TXNDC16: variants seen among roughly 807,000 people sequenced by gnomAD.
TXNDC16 encodes the protein thioredoxin domain containing 16.
Under a neutral mutation model 85.6 loss-of-function variants are expected in TXNDC16, and 74 were observed. That is an observed-to-expected ratio of 0.86 (90% CI 0.72 to 1.05). The LOEUF (loss-of-function observed/expected upper bound fraction) is 1.05. TXNDC16 is among the 50% of genes least tolerant of loss of function. The pLI is 0.00. For synonymous variants in TXNDC16, 335 were observed against 326.5 expected, an observed-to-expected ratio of 1.03 and a Z score of -0.28; for missense variants, 959 against 947.0, an observed-to-expected ratio of 1.01 and a Z score of -0.17.
In TXNDC16 at chr14:52,531,332, G is replaced by T. The variant is rs1403173461; in HGVS notation, c.392+5387C>A. Among the ~76,000 whole-genome samples the T allele has an allele frequency of 2.0e-5, 3 of 152,114 alleles. No homozygotes were observed. The East Asian group carries it at 5.8e-4, about 29-fold the overall frequency. ...ACACTCCTTTCGTATTTACCCAAAGGAGTTGGAAACTTAGGACCACACAAA... is the reference window on the plus strand; with the variant it reads ...ACACTCCTTTCGTATTTACCCAAAGTAGTTGGAAACTTAGGACCACACAAA... On this transcript the variant is annotated intron_variant, in intron 6 of 20. Coordinates refer to ENST00000281741, the MANE Select transcript of TXNDC16 (RefSeq NM_020784.3).
chr14:52,504,908 AG>A lies in TXNDC16; in HGVS notation c.756+6331del, dbSNP rs1356556842. Among the ~76,000 whole-genome samples, 3 of 152,322 alleles carry A rather than the reference AG, an allele frequency of 2.0e-5. No homozygotes were observed. In the East Asian group the frequency reaches 5.8e-4, roughly 29 times the overall value. ...AAGCAAATGGAAAACAAAAAAAGGC[AG>A]GGGTTGCAATCCTAGACTCTGATAA... On this transcript the variant is annotated intron_variant, in intron 9 of 20. Transcript: ENST00000281741.
At chr14:52,522,609 A>G (rs186394175) in intron 6 of TXNDC16, among the ~76,000 whole-genome samples, 269 of 152,338 alleles carry the variant, frequency 1.8e-3, no homozygotes, top group Non-Finnish European at 2.5e-3. Context: ...CACAGCCCCA[A>G]TGCAGGTAGT....
chr14:52,497,820 G>A (rs1423611634), intron 9 of TXNDC16, among the ~76,000 whole-genome samples: 4 of 149,294 alleles, frequency 2.7e-5, no homozygotes, highest in Non-Finnish European at 4.4e-5. Flanking sequence ...GGCAGAGGTT[G>A]CAGTGAGCCG....
chr14:52,453,960 A>G (rs1015113472), intron 18 of TXNDC16, among the ~76,000 whole-genome samples: 1 of 152,166 alleles, frequency 6.6e-6, no homozygotes, highest in African/African-American at 2.4e-5. Flanking sequence ...AATAAAGAAG[A>G]CCTAGTATTT....
intron 20 of TXNDC16, 43 bp from the exon 21 acceptor site, chr14:52,432,630 A>G (rs770509115): frequency 1.3e-6 from 2 of 1,495,388 alleles, no homozygotes; most frequent in South Asian, 2.6e-5. Context: ...TAACAGCTAT[A>G]AATCGTCACA....
At chr14:52,465,747 G>A (rs1366054497) in intron 16 of TXNDC16, among the ~76,000 whole-genome samples, 1 of 152,112 alleles carries the variant, frequency 6.6e-6, no homozygotes, top group East Asian at 1.9e-4. Context: ...ACATTCCTGT[G>A]AAGCAAGAGA....
At chr14:52,545,112 C>T (rs1424282980) in intron 1 of TXNDC16, among the ~76,000 whole-genome samples, 1 of 152,094 alleles carries the variant, frequency 6.6e-6, no homozygotes, top group East Asian at 1.9e-4. Flanking sequence ...AACTGTACAA[C>T]ATGAAAAGCA....
intron 18 of TXNDC16, among the ~76,000 whole-genome samples, chr14:52,447,136 G>T (rs12897843): frequency 0.13 from 20,005 of 151,896 alleles, 1,369 homozygotes; most frequent in Non-Finnish European, 0.15. Context: ...TTGGCTCTTG[G>T]ATGGCATTTC....
intron 4 of TXNDC16, among the ~76,000 whole-genome samples, chr14:52,539,379 G>A (rs2037777554): frequency 1.3e-5 from 2 of 152,186 alleles, no homozygotes; most frequent in East Asian, 1.9e-4. Flanking sequence ...AGCACCTCCA[G>A]CAGGTTCAAA....
chr14:52,510,377 G>T (rs773759078), intron 9 of TXNDC16, among the ~76,000 whole-genome samples: 11 of 152,098 alleles, frequency 7.2e-5, no homozygotes, highest in Non-Finnish European at 1.3e-4. Context: ...CTTATCAATA[G>T]TTCCATAATC....
chr14:52,501,383 G>A (rs933915949), intron 9 of TXNDC16, among the ~76,000 whole-genome samples: 2 of 152,058 alleles, frequency 1.3e-5, no homozygotes, highest in South Asian at 4.2e-4. Flanking sequence ...TTACAAAAAA[G>A]CCTGAATCCT....
rs2034911877 is a variant in TXNDC16, at chr14:52,432,120, C to T, written c.*184G>A. On this transcript the variant is annotated 3_prime_UTR_variant, in exon 21 of 21. Transcript: ENST00000281741. ...GAAAAGTAATATCAAAATTATTTTG[C>T]CCTGCTCACTTTTACTTTGTTTAAT... 1 of 469,114 alleles carries T rather than the reference C, an allele frequency of 2.1e-6. No homozygotes were observed. Among genetic ancestry groups the T allele is most frequent in the Admixed American group, 4.2e-5 (1 of 23,954 alleles). 29.1% of individuals were successfully genotyped at this position (469,114 alleles called of 1,614,324 possible).
intron 14 of TXNDC16, among the ~76,000 whole-genome samples, chr14:52,479,978 A>G (rs1427392990): frequency 6.6e-6 from 1 of 152,212 alleles, no homozygotes; most frequent in Non-Finnish European, 1.5e-5. Flanking sequence ...ACATAGACCA[A>G]TGGAACAGAA....
chr14:52,462,565 C>T (rs2035677354), intron 16 of TXNDC16, among the ~76,000 whole-genome samples: 1 of 152,314 alleles, frequency 6.6e-6, no homozygotes, highest in African/African-American at 2.4e-5. Context: ...AAGTGATCTG[C>T]CTGCCTCGGC....
intron 18 of TXNDC16, among the ~76,000 whole-genome samples, chr14:52,447,271 A>G (rs1034841922): frequency 6.6e-6 from 1 of 152,134 alleles, no homozygotes; most frequent in Non-Finnish European, 1.5e-5. Flanking sequence ...GTAGCCTGCC[A>G]GTACTCCCTG....
In TXNDC16 at chr14:52,450,275, A is replaced by T. The variant is rs756285744; in HGVS notation, c.1842+5049T>A. Among the ~76,000 whole-genome samples the T allele has an allele frequency of 1.7e-4, 26 of 152,216 alleles. 1 individual carries two copies. The South Asian group carries it at 3.3e-3, about 19-fold the overall frequency. ...ATTACAATTGATATAGCAGAAATTC[A>T]AAAGGTCATTAGTAGCTACTATGAG... On this transcript the variant is annotated intron_variant, in intron 18 of 20. Transcript: ENST00000281741.
chr14:52,547,703 T>C (rs10142845), intron 1 of TXNDC16, among the ~76,000 whole-genome samples: 5,710 of 152,298 alleles, frequency 0.037, 337 homozygotes, highest in African/African-American at 0.13. Flanking sequence ...CACTGCCTTA[T>C]GTGTTCAACA....
intron 15 of TXNDC16, 119 bp downstream of exon 15, chr14:52,470,393 T>G (rs954464949): frequency 1.5e-5 from 18 of 1,207,186 alleles, no homozygotes; most frequent in Non-Finnish European, 1.9e-5. Flanking sequence ...TAAATATTCA[T>G]TTTGTGATCT....
intron 9 of TXNDC16, among the ~76,000 whole-genome samples, chr14:52,505,038 G>A (rs2036760619): frequency 2.0e-5 from 3 of 152,206 alleles, no homozygotes; most frequent in Admixed American, 2.0e-4. Context: ...AAATATATAT[G>A]CGCCCAATAT....
Sources: gnomAD v4.1 joint callset for allele counts (sites outside exome capture counted in the v4.1 genomes callset) on GRCh38, gnomAD v4.1.1 for gene constraint, MANE v1.5 for transcripts, NCBI Gene and HGNC (gene_info 2026-07-23, HGNC 2026-07-21) for gene names.